CTNNB1: variants seen among roughly 807,000 people sequenced by gnomAD.
The protein encoded by CTNNB1 is catenin beta-1.
In CTNNB1, 6 loss-of-function variants were observed where a neutral mutation model predicts 82.5. The observed-to-expected ratio is 0.07, with a 90% CI of 0.04 to 0.14. The LOEUF is 0.14. Ranked by LOEUF, CTNNB1 falls within the 10% of genes least tolerant of loss-of-function variation. The pLI is 1.00. For synonymous variants in CTNNB1, 312 were observed against 329.7 expected (o/e 0.95, Z 0.58); for missense variants, 529 against 980.4 (o/e 0.54, Z 6.15).
chr3:41,227,876 C>T (rs1365068616), intron 7 of CTNNB1, among the ~76,000 whole-genome samples: 1 of 152,102 alleles, frequency 6.6e-6, no homozygotes, highest in African/African-American at 2.4e-5. Flanking sequence ...AGTTCTTTAC[C>T]TCCCACCCGT....
chr3:41,234,001 G>C, intron 9 of CTNNB1, 134 bp downstream of exon 9: 13 of 1,423,030 alleles, frequency 9.1e-6, no homozygotes, highest in Non-Finnish European at 1.2e-5. Context: ...GTATGGCTGC[G>C]ATAGGGGTAA....
chr3:41,239,410 C>T lies in CTNNB1; in HGVS notation c.*68C>T. ...AAATACTTTTACTCTGCCTACAGAA[C>T]TTCAGAAAGACTTGGTTGGTAGGGT... On this transcript the variant is annotated 3_prime_UTR_variant, in exon 15 of 15. Coordinates refer to ENST00000349496, the MANE Select transcript of CTNNB1 (RefSeq NM_001904.4). 7.1e-7 allele frequency: 1 copy of T among 1,414,582 alleles called. No homozygotes were observed. The allele number at this position is 1,414,582 out of a possible 1,614,324, so 87.6% of individuals were successfully genotyped here.
chr3:41,239,088 T>C (rs1209862491), intron 14 of CTNNB1, 46 bp from the exon 15 acceptor site: 5 of 1,503,770 alleles, frequency 3.3e-6, no homozygotes, highest in South Asian at 2.3e-5. Context: ...TCCTCTCTCT[T>C]TTGCCTTCCT....
intron 11 of CTNNB1, chr3:41,236,124 A>G: frequency 1.4e-6 from 1 of 718,778 alleles, no homozygotes; most frequent in Non-Finnish European, 2.3e-6. Context: ...CAAATCTTAG[A>G]TCAGTTAGAG....
At chr3:41,230,844 T>C (rs1259083311) in intron 7 of CTNNB1, among the ~76,000 whole-genome samples, 3 of 152,168 alleles carry the variant, frequency 2.0e-5, no homozygotes, top group African/African-American at 7.2e-5. Flanking sequence ...CTGGGCCACA[T>C]TGGAAGAAGA....
intron 1 of CTNNB1, chr3:41,210,903 C>T: frequency 2.5e-6 from 1 of 396,686 alleles, no homozygotes; most frequent in Non-Finnish European, 5.1e-6. Flanking sequence ...GATCCTCCTA[C>T]CTCAGCCTCC....
In CTNNB1 at chr3:41,233,540, A is replaced by G. The variant is rs749010727; in HGVS notation, c.1197A>G (p.Glu399=). Residue 399 remains glutamate, a synonymous_variant, in exon 9 of 15, where the codon GAA becomes GAG. Transcript: ENST00000349496. ...SDAATKQEGM[E]GLLGTLVQLL... ...TTTTATCTCCATAGGAAGGGATGGA[A>G]GGTCTCCTTGGGACTCTTGTTCAGC... 1.3e-5 allele frequency: 21 copies of G among 1,614,064 alleles called. No homozygotes were observed. Among genetic ancestry groups the G allele is most frequent in the Non-Finnish European group, 1.6e-5 (19 of 1,180,022 alleles).
chr3:41,239,749 C>CACTAACCAAGCTGAGTTTCCTAT lies in CTNNB1; in HGVS notation c.*408_*430dup. The CACTAACCAAGCTGAGTTTCCTAT allele has an allele frequency of 6.0e-6, 2 of 331,564 alleles. No homozygotes were observed. The highest frequency in any genetic ancestry group is 5.6e-6 in the Non-Finnish European group (1 of 177,130). 20.5% of individuals were successfully genotyped at this position (331,564 alleles called of 1,614,324 possible). A position where few individuals can be genotyped will look rare whatever the true frequency, so the allele number is the denominator to read the frequency against. On this transcript the variant is annotated 3_prime_UTR_variant, in exon 15 of 15. Transcript: ENST00000349496. ...CTGGTATCTCAGAAAGTGCCTGACA[C>CACTAACCAAGCTGAGTTTCCTAT]ACTAACCAAGCTGAGTTTCCTATGG...
At chr3:41,227,609 G>A (rs1170754019) in intron 7 of CTNNB1, among the ~76,000 whole-genome samples, 2 of 152,160 alleles carry the variant, frequency 1.3e-5, no homozygotes, top group African/African-American at 4.8e-5. Context: ...TGTAATTTCA[G>A]TTTTGAGTAA....
intron 13 of CTNNB1, chr3:41,237,207 C>T (rs150193768): frequency 5.6e-4 from 97 of 172,382 alleles, no homozygotes; most frequent in African/African-American, 2.3e-3. Context: ...TGATGGTACA[C>T]AGACATACAG....
At chr3:41,235,644 A>G (rs2078416672) in intron 10 of CTNNB1, 80 bp from the exon 11 acceptor site, 1 of 1,577,138 alleles carries the variant, frequency 6.3e-7, no homozygotes, top group African/African-American at 1.3e-5. Flanking sequence ...TATATAATGT[A>G]AATAATTACA....
intron 1 of CTNNB1, among the ~76,000 whole-genome samples, chr3:41,214,598 A>G (rs1002313107): frequency 1.3e-5 from 2 of 152,102 alleles, no homozygotes; most frequent in Non-Finnish European, 2.9e-5. Flanking sequence ...ATATTAACCC[A>G]CTTAAAAACC....
At position 41,225,513 on chromosome 3, in the gene CTNNB1, T is replaced by G. The variant is rs913711054; in HGVS notation, c.675T>G (p.Arg225=). The G allele has an allele frequency of 1.7e-5, 28 of 1,614,108 alleles. No individual in the cohort carries two copies. Among genetic ancestry groups the G allele is most frequent in the Non-Finnish European group, 2.3e-5 (27 of 1,179,998 alleles). The change falls in exon 5 of 15, where the codon CGT becomes CGG. Residue 225 remains arginine (R), a synonymous_variant. Coordinates refer to ENST00000349496, the MANE Select transcript of CTNNB1 (RefSeq NM_001904.4). The surrounding 1 kb of genome is among the most constrained non-coding windows in gnomAD (Gnocchi z 5.3). ...AGTLHNLSHH[R]EGLLAIFKSG... ...CCTTGCATAACCTTTCCCATCATCG[T>G]GAGGGCTTACTGGCCATCTTTAAGT...
chr3:41,200,847 C>A (rs4533622), intron 1 of CTNNB1, among the ~76,000 whole-genome samples: 60,555 of 152,102 alleles, frequency 0.4, 12,440 homozygotes, highest in Non-Finnish European at 0.46. Flanking sequence ...GCGTTGTCTC[C>A]TACTTTGTAT....
At chr3:41,220,195 T>TC (rs2078011307) in intron 1 of CTNNB1, among the ~76,000 whole-genome samples, 1 of 152,090 alleles carries the variant, frequency 6.6e-6, no homozygotes. Context: ...ATTTCCTATT[T>TC]CTTTTTTTTT....
chr3:41,238,654 T>G (rs576840931), intron 14 of CTNNB1, among the ~76,000 whole-genome samples: 211 of 152,332 alleles, frequency 1.4e-3, no homozygotes, highest in African/African-American at 4.8e-3. Flanking sequence ...TAAAATATGT[T>G]GAGGTTTCAT....
chr3:41,214,934 T>TGAGTA (rs2077880260), intron 1 of CTNNB1, among the ~76,000 whole-genome samples: 2 of 152,144 alleles, frequency 1.3e-5, no homozygotes, highest in Non-Finnish European at 2.9e-5. Context: ...ATAGCAGAGT[T>TGAGTA]GAGTAGTTGT....
At chr3:41,237,697 CTTTTTTTTTTTTT>C in intron 13 of CTNNB1, 1 of 139,832 alleles carries the variant, frequency 7.2e-6, no homozygotes, top group Non-Finnish European at 1.4e-5. Context: ...GGCATTTTGC[CTTTTTTTTTTTTT>C]TTTTTTTTAA....
rs534069555 is a variant in CTNNB1, at chr3:41,206,273, T to A, written c.-49+6603T>A. Among the ~76,000 whole-genome samples the A allele has an allele frequency of 1.6e-4, 25 of 152,328 alleles. 1 individual carries two copies. The South Asian group carries it at 5.2e-3, about 32-fold the overall frequency. ...CAAGTTAATCAGTCTACATGGCATA[T>A]AAACCTTATGATTAATAAATCTTAA... On this transcript the variant is annotated intron_variant, in intron 1 of 14. Transcript: ENST00000349496.
Sources: allele counts gnomAD v4.1 joint callset (sites outside exome capture counted in the v4.1 genomes callset), GRCh38; gene constraint gnomAD v4.1.1; non-coding constraint Gnocchi (gnomAD v3.1); transcripts MANE v1.5; gene names NCBI Gene and HGNC (gene_info 2026-07-23, HGNC 2026-07-21).